Variants in SLC7A2 observed in about 807,000 individuals in gnomAD.
SLC7A2 encodes solute carrier family 7 member 2.
A neutral mutation model predicts 58.9 loss-of-function variants in SLC7A2; 48 were observed. That is an observed-to-expected ratio of 0.82 (90% CI 0.65 to 1.04). The LOEUF (loss-of-function observed/expected upper bound fraction) is 1.04, where lower values mean the gene tolerates loss of function less well. SLC7A2 is among the 50% of genes least tolerant of loss of function. The pLI is 0.00. For synonymous variants in SLC7A2, 363 were observed against 314.5 expected, an observed-to-expected ratio of 1.15 and a Z score of -1.63; for missense variants, 1,029 against 818.8, an observed-to-expected ratio of 1.26 and a Z score of -3.13.
At chr8:17,526,553 T>G (rs1270266703) in intron 2 of SLC7A2, among the ~76,000 whole-genome samples, 1 of 152,132 alleles carries the variant, frequency 6.6e-6, no homozygotes, top group African/African-American at 2.4e-5. Context: ...GTTGGAGGAA[T>G]TTTTAGATGT....
rs760833765 is a variant in SLC7A2 at position 17,558,277 on chromosome 8, CT to C, written c.1196-14del. ...CTCCTGGGCCGTTTACTTCACCGTT[CT>C]TTTCTTCTCCCCCTAGCTTTGATGG... is the stretch of plus-strand genomic sequence containing the variant. On this transcript the variant is annotated splice_polypyrimidine_tract_variant and intron_variant, in intron 8 of 12. Coordinates refer to ENST00000494857, the MANE Select transcript of SLC7A2 (RefSeq NM_001370338.1). The C allele has an allele frequency of 1.3e-6, 2 of 1,569,382 alleles. No individual in the cohort carries two copies. The highest frequency in any genetic ancestry group is 1.8e-6 in the Non-Finnish European group (2 of 1,140,632).
intron 8 of SLC7A2, among the ~76,000 whole-genome samples, chr8:17,555,620 G>A (rs766999164): frequency 1.3e-5 from 2 of 151,776 alleles, no homozygotes; most frequent in Non-Finnish European, 2.9e-5. Context: ...CAGTATGGTG[G>A]GCATCCTTGC....
rs150895467 is a variant in SLC7A2, at chr8:17,554,564, C to T, written c.1060C>T (p.Leu354Phe). Reference protein sequence around the residue: ...GSLCALSTSLLGSIFPMPRVI... With the variant: ...GSLCALSTSLFGSIFPMPRVI... ...ATGTGTTTGCTTTTTATTCAGTCTT[C>T]TTGGATCCATTTTCCCAATGCCTCG... The change falls in exon 8 of 13, where the codon CTT (leucine) becomes TTT (phenylalanine). Residue 354 changes from leucine to phenylalanine, a missense_variant. Physicochemically the swap from Leu to Phe is conservative, Grantham distance 22. Transcript: ENST00000494857. 1.9e-6 allele frequency: 3 copies of T among 1,602,580 alleles called. No homozygotes were observed. Among genetic ancestry groups the T allele is most frequent in the African/African-American group, 1.3e-5 (1 of 74,672 alleles).
At chr8:17,557,637 G>C (rs1447420411) in intron 8 of SLC7A2, among the ~76,000 whole-genome samples, 1 of 152,178 alleles carries the variant, frequency 6.6e-6, no homozygotes, top group Non-Finnish European at 1.5e-5. Context: ...AGACCAGCCT[G>C]ACCAACATGG....
upstream of SLC7A2, among the ~76,000 whole-genome samples, chr8:17,494,225 G>A (rs1005329873): frequency 1.3e-5 from 2 of 152,178 alleles, no homozygotes; most frequent in African/African-American, 2.4e-5. Flanking sequence ...TTGTGGACAT[G>A]AGATTTACTT....
upstream of SLC7A2, among the ~76,000 whole-genome samples, chr8:17,494,409 G>A (rs1435247123): frequency 6.6e-6 from 1 of 152,182 alleles, no homozygotes; most frequent in Non-Finnish European, 1.5e-5. Context: ...AAATGACTAA[G>A]TTGGATTTTC....
intron 9 of SLC7A2, among the ~76,000 whole-genome samples, chr8:17,559,764 G>A (rs1030476250): frequency 6.6e-6 from 1 of 152,084 alleles, no homozygotes; most frequent in Non-Finnish European, 1.5e-5. Flanking sequence ...ACCATATCAC[G>A]GCTGATGTCT....
At chr8:17,513,966 T>A (rs1800702284) in intron 2 of SLC7A2, among the ~76,000 whole-genome samples, 1 of 152,232 alleles carries the variant, frequency 6.6e-6, no homozygotes, top group South Asian at 2.1e-4. Flanking sequence ...TATTCTATAT[T>A]CATGTGTATA....
Position 17,568,652 on chromosome 8 carries a change from A to C in SLC7A2, c.*3506A>C, listed in dbSNP as rs1017634009. 3.3e-5 allele frequency: 5 copies of C among 152,172 alleles called. No individual in the cohort carries two copies. Among genetic ancestry groups the C allele is most frequent in the African/African-American group, 7.2e-5 (3 of 41,444 alleles). The allele number at this position is 152,172 out of a possible 1,614,324, so 9.4% of individuals were successfully genotyped here. ...AATACTTTTTAAGTCCTGAGTGCTT[A>C]CAGGTAGTTGTTAAAAAAATTTTAA... is the stretch of plus-strand genomic sequence containing the variant. On this transcript the variant is annotated 3_prime_UTR_variant, in exon 13 of 13. Transcript: ENST00000494857.
intron 2 of SLC7A2, among the ~76,000 whole-genome samples, chr8:17,522,872 T>G (rs2517240): frequency 0.55 from 82,726 of 151,592 alleles, 23,203 homozygotes; most frequent in Middle Eastern, 0.63. Context: ...CCTACCTCTA[T>G]AAAAAAATAA....
Position 17,566,533 on chromosome 8 carries a change from G to C in SLC7A2, c.*1387G>C, listed in dbSNP as rs1238907578. The C allele has an allele frequency of 1.2e-4, 18 of 152,096 alleles. No homozygotes were observed. The highest frequency in any genetic ancestry group is 1.5e-5 in the Non-Finnish European group (1 of 68,030). 9.4% of individuals were successfully genotyped at this position (152,096 alleles called of 1,614,324 possible). ...ACTAAGCCTAATAATACAAGCTCCA[G>C]TGTTATACAATAACCCATCAGTGAT... On this transcript the variant is annotated 3_prime_UTR_variant, in exon 13 of 13. Transcript: ENST00000494857.
At chr8:17,529,389 G>T (rs562041178) in intron 2 of SLC7A2, among the ~76,000 whole-genome samples, 9 of 152,108 alleles carry the variant, frequency 5.9e-5, no homozygotes, top group African/African-American at 2.2e-4. Flanking sequence ...TAGAAGTGAT[G>T]GTATATATAT....
intron 4 of SLC7A2, among the ~76,000 whole-genome samples, chr8:17,545,477 A>G (rs1802124557): frequency 7.3e-6 from 1 of 137,828 alleles, no homozygotes; most frequent in Non-Finnish European, 1.5e-5. Context: ...GTGGTACTGC[A>G]ACCTCCGTCT....
chr8:17,519,072 C>G (rs1362388253), intron 2 of SLC7A2, among the ~76,000 whole-genome samples: 1 of 152,162 alleles, frequency 6.6e-6, no homozygotes, highest in Admixed American at 6.5e-5. Flanking sequence ...TCTAAAGGCC[C>G]TACCTCCAAA....
At chr8:17,528,947 C>T (rs901818279) in intron 2 of SLC7A2, among the ~76,000 whole-genome samples, 2 of 151,734 alleles carry the variant, frequency 1.3e-5, no homozygotes, top group African/African-American at 4.8e-5. Context: ...GGCCGCCTGT[C>T]GGGGATGAAA....
intron 2 of SLC7A2, among the ~76,000 whole-genome samples, chr8:17,529,092 A>G (rs1450372546): frequency 6.6e-6 from 1 of 152,234 alleles, no homozygotes; most frequent in Non-Finnish European, 1.5e-5. Context: ...AAAGCATTAT[A>G]AAGGCTTTAA....
chr8:17,556,671 C>T (rs1158183955), intron 8 of SLC7A2, among the ~76,000 whole-genome samples: 1 of 151,806 alleles, frequency 6.6e-6, no homozygotes, highest in Non-Finnish European at 1.5e-5. Context: ...TGTAGTGGCA[C>T]GATCTTGGCT....
Position 17,565,787 on chromosome 8 carries a change from C to T in SLC7A2, c.*641C>T, listed in dbSNP as rs1226949508. ...TATGACAGTTTGCTCAAACTTCAGCCAACAGGGGTGTCTGCTTCTGCTGCA... is the reference window on the plus strand; with the variant it reads ...TATGACAGTTTGCTCAAACTTCAGCTAACAGGGGTGTCTGCTTCTGCTGCA... On this transcript the variant is annotated 3_prime_UTR_variant, in exon 13 of 13. Coordinates refer to ENST00000494857, the MANE Select transcript of SLC7A2 (RefSeq NM_001370338.1). 1 of 152,254 alleles carries T rather than the reference C, an allele frequency of 6.6e-6. No individual in the cohort carries two copies. The highest frequency in any genetic ancestry group is 2.4e-5 in the African/African-American group (1 of 41,448). The allele number at this position is 152,254 out of a possible 1,614,324, so 9.4% of individuals were successfully genotyped here.
At chr8:17,538,452 T>C (rs928003399) in intron 2 of SLC7A2, among the ~76,000 whole-genome samples, 3 of 152,254 alleles carry the variant, frequency 2.0e-5, no homozygotes, top group African/African-American at 7.2e-5. Context: ...TTGTGGTTTC[T>C]GTTTTTGCTA....
Sources: allele counts gnomAD v4.1 joint callset (sites outside exome capture counted in the v4.1 genomes callset), GRCh38; gene constraint gnomAD v4.1.1; transcripts MANE v1.5; gene names NCBI Gene and HGNC (gene_info 2026-07-23, HGNC 2026-07-21).